Variants in CUL9 observed in about 807,000 individuals in gnomAD.
CUL9 encodes cullin 9.
Under a neutral mutation model 272.6 loss-of-function variants are expected in CUL9, and 79 were observed. That is an observed-to-expected ratio of 0.29 (90% CI 0.24 to 0.35). The LOEUF (loss-of-function observed/expected upper bound fraction) is 0.35, where lower values mean the gene tolerates loss of function less well. CUL9 is among the 10% of genes least tolerant of loss of function. The probability of loss-of-function intolerance (pLI) is 1.00; values close to 1 mark genes in which losing one functional copy is unlikely to be tolerated. For missense variants in CUL9, 2,532 were observed against 3,255.6 expected, an observed-to-expected ratio of 0.78 and a Z score of 5.41; for synonymous variants, 1,186 against 1,286.5, an observed-to-expected ratio of 0.92 and a Z score of 1.67.
rs550168056 is a variant in CUL9 at position 43,185,356 on chromosome 6, C to A, written c.596-100C>A. 21 of 1,267,178 alleles carry A rather than the reference C, an allele frequency of 1.7e-5. No homozygotes were observed. In the South Asian group the frequency reaches 2.7e-4, roughly 16 times the overall value. 78.5% of individuals were successfully genotyped at this position (1,267,178 alleles called of 1,614,324 possible). ...TATTTCTTTCTGTGAGCCTTAGTAA[C>A]AAAGTTTGAAAGCGTCTGGGGTAGG... is the stretch of plus-strand genomic sequence containing the variant. On this transcript the variant is annotated intron_variant, in intron 2 of 40. Transcript: ENST00000252050.
At chr6:43,217,687 T>C (rs571199203) in intron 31 of CUL9, among the ~76,000 whole-genome samples, 1 of 152,382 alleles carries the variant, frequency 6.6e-6, no homozygotes, top group African/African-American at 2.4e-5. Flanking sequence ...TGGCTGTGCT[T>C]CTGGCTTCTC....
Position 43,220,914 on chromosome 6 carries a change from G to T in CUL9, c.6588+3G>T, listed in dbSNP as rs775721283. 1.2e-6 allele frequency: 2 copies of T among 1,607,784 alleles called. No homozygotes were observed. Among genetic ancestry groups the T allele is most frequent in the South Asian group, 1.1e-5 (1 of 90,298 alleles). On this transcript the variant is annotated splice_donor_region_variant and intron_variant, in intron 33 of 40. Coordinates refer to ENST00000252050, the MANE Select transcript of CUL9 (RefSeq NM_015089.4). The surrounding 1 kb of genome is among the most constrained non-coding windows in gnomAD (Gnocchi z 4.9). ...GCTTCAACTGTAGCTTCCCTGAGGTGGGAGCCCCACACTGGCCCTGACCCT... is the reference window on the plus strand; with the variant it reads ...GCTTCAACTGTAGCTTCCCTGAGGTTGGAGCCCCACACTGGCCCTGACCCT...
intron 26 of CUL9, among the ~76,000 whole-genome samples, chr6:43,210,361 CTAAG>C (rs1425608994): frequency 7.2e-5 from 11 of 152,200 alleles, no homozygotes; most frequent in African/African-American, 2.4e-4. Context: ...AGGCAAAATA[CTAAG>C]TATGTGGCAG....
Position 43,205,308 on chromosome 6 carries a change from G to A in CUL9, c.4678G>A (p.Gly1560Ser). ...GTACATTGACCAACAGATCCAGGGTGGCCTGATTGGTGGAGCCCCTGGAGT... is the reference window on the plus strand; with the variant it reads ...GTACATTGACCAACAGATCCAGGGTAGCCTGATTGGTGGAGCCCCTGGAGT... ...ARYIDQQIQG[G>S]LIGGAPGVEM... Residue 1560 changes from glycine (G) to serine (S), a missense_variant, in exon 24 of 41, where the codon GGC becomes AGC. Coordinates refer to ENST00000252050, the MANE Select transcript of CUL9 (RefSeq NM_015089.4). The A allele has an allele frequency of 1.2e-6, 2 of 1,614,196 alleles. No homozygotes were observed. The highest frequency in any genetic ancestry group is 2.2e-5 in the South Asian group (2 of 91,082).
rs202184084 is a variant in CUL9 at position 43,200,416 on chromosome 6, C to G, written c.3385-20C>G. 6.2e-7 allele frequency: 1 copy of G among 1,613,998 alleles called. No individual in the cohort carries two copies. The highest frequency in any genetic ancestry group is 1.3e-5 in the African/African-American group (1 of 74,880). Reference sequence around the variant, plus strand: ...TCCTCCCTCTCCTCTTCCTCATTCTCCCTGATGTTCCGGCTGCAGATGGTG... The same window carrying G: ...TCCTCCCTCTCCTCTTCCTCATTCTGCCTGATGTTCCGGCTGCAGATGGTG... On this transcript the variant is annotated intron_variant, in intron 14 of 40. Coordinates refer to ENST00000252050, the MANE Select transcript of CUL9 (RefSeq NM_015089.4). This position sits in a 1 kb window ranked among gnomAD's most constrained non-coding sequence, Gnocchi z 4.0.
chr6:43,200,343 T>C lies in CUL9; in HGVS notation c.3385-93T>C. 6.2e-7 allele frequency: 1 copy of C among 1,600,306 alleles called. No individual in the cohort carries two copies. The highest frequency in any genetic ancestry group is 8.6e-7 in the Non-Finnish European group (1 of 1,168,764). On this transcript the variant is annotated intron_variant, in intron 14 of 40. Coordinates refer to ENST00000252050, the MANE Select transcript of CUL9 (RefSeq NM_015089.4). This position sits in a 1 kb window ranked among gnomAD's most constrained non-coding sequence, Gnocchi z 4.0. ...GGGAGAGAGGAGTTGAGTATACCGT[T>C]GACCCTTGACTTTTTCTCTCTACCT...
chr6:43,196,517 G>A lies in CUL9; in HGVS notation c.2586-128G>A, dbSNP rs551690330. The A allele has an allele frequency of 6.5e-6, 6 of 924,786 alleles. No individual in the cohort carries two copies. In the East Asian group the frequency reaches 1.2e-4, roughly 18 times the overall value. The allele number at this position is 924,786 out of a possible 1,614,324, so 57.3% of individuals were successfully genotyped here. A position where few individuals can be genotyped will look rare whatever the true frequency, so the allele number is the denominator to read the frequency against. On this transcript the variant is annotated intron_variant, in intron 10 of 40. Transcript: ENST00000252050. Reference sequence around the variant, plus strand: ...GGAGTGGCCCAAGGTCAGGGGATCAGATGTCCTGGCTCAGAGGGCCCACTG... The same window carrying A: ...GGAGTGGCCCAAGGTCAGGGGATCAAATGTCCTGGCTCAGAGGGCCCACTG...
In CUL9 at chr6:43,199,876, A is replaced by T; in HGVS notation, c.3157-53A>T. The T allele has an allele frequency of 7.0e-7, 1 of 1,425,606 alleles. No homozygotes were observed. Among genetic ancestry groups the T allele is most frequent in the Non-Finnish European group, 9.9e-7 (1 of 1,010,630 alleles). 88.3% of individuals were successfully genotyped at this position (1,425,606 alleles called of 1,614,324 possible). ...TTACTGAACCCTCTCCTCAATCCTT[A>T]CATGTCCTACCTCTTGTTTCCTGTA... On this transcript the variant is annotated intron_variant, in intron 13 of 40. Transcript: ENST00000252050. The surrounding 1 kb of genome is among the most constrained non-coding windows in gnomAD (Gnocchi z 4.4).
rs144196153 is a variant in CUL9 at position 43,198,784 on chromosome 6, G to C, written c.2979G>C (p.Gln993His). Residue 993 changes from glutamine (Q) to histidine (H), a missense_variant, in exon 12 of 41, where the codon CAG becomes CAC. By Grantham distance (24) the Gln-to-His change is conservative. Coordinates refer to ENST00000252050, the MANE Select transcript of CUL9 (RefSeq NM_015089.4). ...PLLKRLQQETQPFLLLLRTLD... is the reference protein window; with the variant it reads ...PLLKRLQQETHPFLLLLRTLD... ...TCAAGCGCCTCCAGCAGGAGACCCA[G>C]CCTTTCCTCCTGTTGCTGCGGACTC... 1.9e-6 allele frequency: 3 copies of C among 1,613,874 alleles called. No individual in the cohort carries two copies. Among genetic ancestry groups the C allele is most frequent in the African/African-American group, 2.7e-5 (2 of 74,932 alleles).
At chr6:43,195,861 C>CTT (rs1181466162) in intron 9 of CUL9, among the ~76,000 whole-genome samples, 1 of 152,084 alleles carries the variant, frequency 6.6e-6, no homozygotes, top group African/African-American at 2.4e-5. Context: ...TGTTTAGTTT[C>CTT]TTTCCTTTTT....
rs1775642600 is a variant in CUL9, at chr6:43,213,007, T to C, written c.5213-142T>C. The stretch of plus-strand genomic sequence containing the variant: ...GCAGGGAAGGCTGAGATCTGGAAGC[T>C]TGACAAGGTATCTCTCTGTCTGAAA... On this transcript the variant is annotated intron_variant, in intron 26 of 40. Coordinates refer to ENST00000252050, the MANE Select transcript of CUL9 (RefSeq NM_015089.4). The surrounding 1 kb of genome is among the most constrained non-coding windows in gnomAD (Gnocchi z 5.7). The C allele has an allele frequency of 1.1e-6, 1 of 914,752 alleles. No homozygotes were observed. The allele number at this position is 914,752 out of a possible 1,614,324, so 56.7% of individuals were successfully genotyped here.
chr6:43,204,413 A>G lies in CUL9; in HGVS notation c.4213A>G (p.Arg1405Gly), dbSNP rs758074395. 8.7e-6 allele frequency: 14 copies of G among 1,614,066 alleles called. No homozygotes were observed. The highest frequency in any genetic ancestry group is 1.1e-5 in the Non-Finnish European group (13 of 1,180,004). Residue 1405 changes from arginine to glycine, a missense_variant, in exon 21 of 41, where the codon AGA (arginine) becomes GGA (glycine). Transcript: ENST00000252050. The stretch of plus-strand genomic sequence containing the variant: ...GCTGCTGGATCAGTACTTAGAACAG[A>G]GAGAGACCTCTCGGAACCCCTTGAG... The part of the protein sequence containing the change: ...GWLLDQYLEQ[R>G]ETSRNPLSRA...
intron 1 of CUL9, among the ~76,000 whole-genome samples, chr6:43,183,806 A>G (rs938256597): frequency 1.7e-4 from 26 of 149,756 alleles, no homozygotes; most frequent in African/African-American, 6.1e-4. Flanking sequence ...AGGCTGGAGT[A>G]CAGTGGCGCG....
At position 43,223,594 on chromosome 6, in the gene CUL9, T is replaced by C. The variant is rs981654548; in HGVS notation, c.7284+197T>C. 53 of 658,404 alleles carry C rather than the reference T, an allele frequency of 8.0e-5. No homozygotes were observed. The highest frequency in any genetic ancestry group is 4.2e-4 in the Admixed American group (14 of 33,722). The allele number at this position is 658,404 out of a possible 1,614,324, so 40.8% of individuals were successfully genotyped here. A position where few individuals can be genotyped will look rare whatever the true frequency, so the allele number is the denominator to read the frequency against. ...TGCTGGACCCTATCACTTCACCTCC[T>C]GGGGATTCCTACAAAATAAAGGGGT... On this transcript the variant is annotated intron_variant, in intron 39 of 40. Transcript: ENST00000252050. This position sits in a 1 kb window ranked among gnomAD's most constrained non-coding sequence, Gnocchi z 4.1.
At chr6:43,207,231 AC>A (rs1450309165) in intron 26 of CUL9, among the ~76,000 whole-genome samples, 2 of 151,860 alleles carry the variant, frequency 1.3e-5, no homozygotes, top group South Asian at 2.1e-4. Context: ...CCTCCCTCAT[AC>A]CCCCATCAAG....
chr6:43,220,711 C>A lies in CUL9; in HGVS notation c.6424-36C>A, dbSNP rs752625590. The A allele has an allele frequency of 1.9e-6, 3 of 1,607,170 alleles. No individual in the cohort carries two copies. The Admixed American group carries it at 5.0e-5, about 27-fold the overall frequency. On this transcript the variant is annotated intron_variant, in intron 32 of 40. Transcript: ENST00000252050. The surrounding 1 kb of genome is among the most constrained non-coding windows in gnomAD (Gnocchi z 4.9). The stretch of plus-strand genomic sequence containing the variant: ...CCTGGAGGTGTGGCATCCTGGAGAG[C>A]CATACCCTCACCTCGTGGCACCTGC...
chr6:43,204,233 A>AG, intron 20 of CUL9, 127 bp from the exon 21 acceptor site: 1 of 1,194,838 alleles, frequency 8.4e-7, no homozygotes. Flanking sequence ...AACCTTGGTG[A>AG]GGGGAGGACT....
At chr6:43,214,013 T>C in intron 29 of CUL9, 101 bp downstream of exon 29, 2 of 1,195,366 alleles carry the variant, frequency 1.7e-6, no homozygotes, top group Non-Finnish European at 2.4e-6. Context: ...TTCTGTAGGG[T>C]GACATTTCCA....
chr6:43,224,340 G>C lies in CUL9; in HGVS notation c.7449G>C (p.Glu2483Asp). The change falls in exon 41 of 41, where the codon GAG becomes GAC. Residue 2483 changes from glutamate (E) to aspartate (D), a missense_variant. This residue lies in a region of CUL9 where 237 missense variants were observed against 305.9 expected (regional missense o/e 0.77). Coordinates refer to ENST00000252050, the MANE Select transcript of CUL9 (RefSeq NM_015089.4). The surrounding 1 kb of genome is among the most constrained non-coding windows in gnomAD (Gnocchi z 4.2). ...VPEWQQDEFD[E>D]ELDNDSFSYD... ...AGTGGCAGCAGGATGAGTTTGATGA[G>C]GAGCTGGACAATGACAGCTTCTCCT... 6.2e-7 allele frequency: 1 copy of C among 1,614,224 alleles called. No homozygotes were observed. The highest frequency in any genetic ancestry group is 1.1e-5 in the South Asian group (1 of 91,082).
Sources: allele counts gnomAD v4.1 joint callset (sites outside exome capture counted in the v4.1 genomes callset), GRCh38; gene constraint gnomAD v4.1.1; regional missense constraint gnomAD v4.1.1; non-coding constraint Gnocchi (gnomAD v3.1); transcripts MANE v1.5; gene names NCBI Gene and HGNC (gene_info 2026-07-23, HGNC 2026-07-21).